TEF: variants seen among roughly 807,000 people sequenced by gnomAD.
The protein encoded by TEF is TEF transcription factor, PAR bZIP family member.
In TEF, 3 loss-of-function variants were observed where a neutral mutation model predicts 20.8. That is an observed-to-expected ratio of 0.14 (90% CI 0.07 to 0.37). The LOEUF (loss-of-function observed/expected upper bound fraction) is 0.37. Ranked by LOEUF, TEF falls within the 10% of genes least tolerant of loss-of-function variation. The pLI, the probability that TEF is intolerant of heterozygous loss-of-function variation, is 1.00. For synonymous variants in TEF, 180 were observed against 171.1 expected, an observed-to-expected ratio of 1.05 and a Z score of -0.41; for missense variants, 296 against 397.9, an observed-to-expected ratio of 0.74 and a Z score of 2.18.
At chr22:41,392,930 G>A (rs576673992) in intron 2 of TEF, among the ~76,000 whole-genome samples, 3 of 151,302 alleles carry the variant, frequency 2.0e-5, no homozygotes, top group Admixed American at 1.3e-4. Flanking sequence ...TCCACTACTC[G>A]GGAGGCTGAG....
chr22:41,381,909 T>C (rs2234059), upstream of TEF: 267,604 of 1,224,518 alleles, frequency 0.22, 31,554 homozygotes, highest in Admixed American at 0.41. Context: ...GGGGTAGCGA[T>C]GGAAGGAGGC....
chr22:41,380,931 G>A (rs1306454313), upstream of TEF, among the ~76,000 whole-genome samples: 1 of 152,204 alleles, frequency 6.6e-6, no homozygotes, highest in African/African-American at 2.4e-5. Flanking sequence ...TGGGACTGTG[G>A]AGATTCTCTA....
intron 1 of TEF, chr22:41,367,614 G>A: frequency 2.6e-6 from 4 of 1,550,600 alleles, no homozygotes; most frequent in Non-Finnish European, 3.5e-6. Flanking sequence ...GAGCACAGGT[G>A]ACCTGCATTG....
intron 1 of TEF, among the ~76,000 whole-genome samples, chr22:41,386,079 C>T (rs1428349145): frequency 6.6e-6 from 1 of 152,156 alleles, no homozygotes; most frequent in Non-Finnish European, 1.5e-5. Flanking sequence ...CTCGCCTGGG[C>T]CTCTCAAAGT....
intron 2 of TEF, among the ~76,000 whole-genome samples, chr22:41,392,355 T>C (rs1479739189): frequency 6.6e-6 from 1 of 152,084 alleles, no homozygotes; most frequent in Non-Finnish European, 1.5e-5. Context: ...TGAGCGTTAG[T>C]TTCTTCATCT....
chr22:41,398,794 G>C lies in TEF; in HGVS notation c.*2834G>C, dbSNP rs3747183. On this transcript the variant is annotated 3_prime_UTR_variant, in exon 4 of 4. Transcript: ENST00000266304. ...GGTCCTTTGGCCTGAGGCAGGGCGG[G>C]AGGCATGCAAGCCAGTGGGGGAAAA... 30,042 of 152,314 alleles carry C rather than the reference G, an allele frequency of 0.2. 8,076 individuals carry two copies. Among genetic ancestry groups the C allele is most frequent in the African/African-American group, 0.59 (24,429 of 41,450 alleles). The allele number at this position is 152,314 out of a possible 1,614,324, so 9.4% of individuals were successfully genotyped here. A position where few individuals can be genotyped will look rare whatever the true frequency, so the allele number is the denominator to read the frequency against.
intron 1 of TEF, among the ~76,000 whole-genome samples, chr22:41,369,669 T>C (rs2036857940): frequency 6.6e-6 from 1 of 152,320 alleles, no homozygotes; most frequent in African/African-American, 2.4e-5. Flanking sequence ...AAAGAGGGTA[T>C]AGCCACCACA....
chr22:41,382,510 A>C (rs968154028), intron 1 of TEF, among the ~76,000 whole-genome samples: 12 of 151,930 alleles, frequency 7.9e-5, no homozygotes, highest in Non-Finnish European at 1.5e-5. Flanking sequence ...CATCGGAGTC[A>C]CTCGGGATGC....
At chr22:41,395,181 T>G (rs1300445339) in intron 3 of TEF, among the ~76,000 whole-genome samples, 3 of 152,108 alleles carry the variant, frequency 2.0e-5, no homozygotes, top group African/African-American at 7.2e-5. Context: ...AATTTTTGTA[T>G]TCTTAGTAGA....
upstream of TEF, chr22:41,377,386 T>TC (rs2036956235): frequency 6.6e-6 from 1 of 152,160 alleles, no homozygotes; most frequent in South Asian, 2.1e-4. Context: ...TTCTCTTTTT[T>TC]CCCCCTGAAA....
In TEF at chr22:41,398,131, G is replaced by A. The variant is rs186870696; in HGVS notation, c.*2171G>A. The A allele has an allele frequency of 6.6e-6, 1 of 151,768 alleles. No homozygotes were observed. The highest frequency in any genetic ancestry group is 2.4e-5 in the African/African-American group (1 of 41,288). The allele number at this position is 151,768 out of a possible 1,614,324, so 9.4% of individuals were successfully genotyped here. A position where few individuals can be genotyped will look rare whatever the true frequency, so the allele number is the denominator to read the frequency against. Reference sequence around the variant, plus strand: ...GACTCTTTTCGAAATGCCCCTCTGAGTCAGGAGCCTGGTGGGGACAAGATG... The same window carrying A: ...GACTCTTTTCGAAATGCCCCTCTGAATCAGGAGCCTGGTGGGGACAAGATG... On this transcript the variant is annotated 3_prime_UTR_variant, in exon 4 of 4. Coordinates refer to ENST00000266304, the MANE Select transcript of TEF (RefSeq NM_003216.4).
At chr22:41,394,967 C>G (rs1378651840) in intron 3 of TEF, among the ~76,000 whole-genome samples, 1 of 152,134 alleles carries the variant, frequency 6.6e-6, no homozygotes, top group Non-Finnish European at 1.5e-5. Context: ...TTAGATGGTA[C>G]TCACTGTAGG....
chr22:41,382,533 C>T (rs1018956748), intron 1 of TEF, among the ~76,000 whole-genome samples: 1 of 152,126 alleles, frequency 6.6e-6, no homozygotes, highest in Admixed American at 6.5e-5. Context: ...GTTTAAATTG[C>T]TGGTTCCTGC....
intron 2 of TEF, among the ~76,000 whole-genome samples, chr22:41,393,582 T>G (rs1210962021): frequency 6.6e-6 from 1 of 151,722 alleles, no homozygotes; most frequent in Non-Finnish European, 1.5e-5. Flanking sequence ...CAGTAAAACC[T>G]CATCTCTACT....
At chr22:41,388,675 C>T (rs2037129389) in intron 2 of TEF, among the ~76,000 whole-genome samples, 1 of 151,830 alleles carries the variant, frequency 6.6e-6, no homozygotes, top group South Asian at 2.1e-4. Context: ...CATTTTATCT[C>T]TGGGGGTTTG....
intron 1 of TEF, 90 bp from the exon 2 acceptor site, chr22:41,387,261 G>A: frequency 7.1e-7 from 1 of 1,410,550 alleles, no homozygotes; most frequent in Non-Finnish European, 9.8e-7. Context: ...CTCTGAGAAA[G>A]ATGGGCCAGG....
At chr22:41,381,591 G>A (rs1193172450), upstream of TEF, among the ~76,000 whole-genome samples, 1 of 152,236 alleles carries the variant, frequency 6.6e-6, no homozygotes, top group Non-Finnish European at 1.5e-5. Flanking sequence ...GGTGGTTGGG[G>A]AGGGCGGGGG....
upstream of TEF, among the ~76,000 whole-genome samples, chr22:41,379,331 T>C (rs183831764): frequency 2.4e-3 from 355 of 149,712 alleles, no homozygotes; most frequent in Non-Finnish European, 4.0e-3. Context: ...AGAGTGAGAC[T>C]CTGTCTCGGA....
intron 2 of TEF, among the ~76,000 whole-genome samples, chr22:41,390,771 G>A (rs536450553): frequency 1.3e-5 from 2 of 151,602 alleles, no homozygotes; most frequent in Non-Finnish European, 2.9e-5. Context: ...GGGATTACAG[G>A]CGTGAGCCAC....
Sources: allele counts gnomAD v4.1 joint callset (sites outside exome capture counted in the v4.1 genomes callset), GRCh38; gene constraint gnomAD v4.1.1; transcripts MANE v1.5; gene names NCBI Gene and HGNC (gene_info 2026-07-23, HGNC 2026-07-21).